DCAF11: variants seen among roughly 807,000 people sequenced by gnomAD.
DCAF11 encodes DDB1 and CUL4 associated factor 11.
DCAF11 carries 44 observed loss-of-function variants against 76.1 expected under a neutral mutation model. The observed-to-expected ratio is 0.58, with a 90% CI of 0.45 to 0.74. The LOEUF (loss-of-function observed/expected upper bound fraction) is 0.74, where lower values mean the gene tolerates loss of function less well. DCAF11 is among the 30% of genes least tolerant of loss of function. The pLI is 0.00. For missense variants in DCAF11, 604 were observed against 709.4 expected (o/e 0.85, Z 1.69); for synonymous variants, 258 against 255.0 (o/e 1.01, Z -0.11).
Position 24,123,172 on chromosome 14 carries a change from C to T in DCAF11, c.1507-3C>T. ...TGACTGCTTGCCACCCTCTGCCCTG[C>T]AGTGGGACGGGAACCTGCGTCTGTG... On this transcript the variant is annotated splice_region_variant and splice_polypyrimidine_tract_variant and intron_variant, in intron 14 of 14. Transcript: ENST00000446197. 6.2e-7 allele frequency: 1 copy of T among 1,612,786 alleles called. No homozygotes were observed. The highest frequency in any genetic ancestry group is 8.5e-7 in the Non-Finnish European group (1 of 1,179,094).
intron 13 of DCAF11, 30 bp downstream of exon 13, chr14:24,121,547 A>G: frequency 6.2e-7 from 1 of 1,608,978 alleles, no homozygotes; most frequent in Non-Finnish European, 8.5e-7. Flanking sequence ...AGGGGGCCTC[A>G]GGAAGGGCAG....
intron 9 of DCAF11, 83 bp downstream of exon 9, chr14:24,119,296 C>T: frequency 1.9e-6 from 3 of 1,545,160 alleles, no homozygotes; most frequent in Non-Finnish European, 2.7e-6. Flanking sequence ...ACAGATGGCA[C>T]TGGCAGCTGC....
chr14:24,121,212 A>G, intron 12 of DCAF11, 153 bp from the exon 13 acceptor site: 1 of 1,161,260 alleles, frequency 8.6e-7, no homozygotes. Context: ...CATATTGGAG[A>G]CTGTCCACTG....
At chr14:24,118,236 G>T in intron 6 of DCAF11, 81 bp downstream of exon 6, 2 of 1,559,968 alleles carry the variant, frequency 1.3e-6, no homozygotes, top group South Asian at 1.1e-5. Flanking sequence ...AGCCACAGAC[G>T]GGGAGCTCAG....
intron 11 of DCAF11, among the ~76,000 whole-genome samples, chr14:24,120,521 C>T (rs1239603738): frequency 6.6e-6 from 1 of 152,062 alleles, no homozygotes; most frequent in Non-Finnish European, 1.5e-5. Flanking sequence ...CACCCCACTA[C>T]ACTCCAGCCT....
intron 8 of DCAF11, 66 bp downstream of exon 8, chr14:24,118,870 C>T: frequency 1.3e-6 from 2 of 1,560,894 alleles, no homozygotes; most frequent in South Asian, 1.1e-5. Flanking sequence ...TGGGAGCAAA[C>T]CTCTTGAGTT....
rs905453565 is a variant in DCAF11 at position 24,114,987 on chromosome 14, C to T, written c.-520C>T. ...AGTGGGAGGTGCTTCTCGGCTTCCTCCCCCTCATGGCGTACACACCCCCGG... is the reference window on the plus strand; with the variant it reads ...AGTGGGAGGTGCTTCTCGGCTTCCTTCCCCTCATGGCGTACACACCCCCGG... On this transcript the variant is annotated 5_prime_UTR_variant, in exon 1 of 15. Transcript: ENST00000446197. 8.1e-6 allele frequency: 8 copies of T among 985,818 alleles called. No individual in the cohort carries two copies. The African/African-American group carries it at 1.0e-4, about 13-fold the overall frequency. The allele number at this position is 985,818 out of a possible 1,614,324, so 61.1% of individuals were successfully genotyped here.
rs113395814 is a variant in DCAF11 at position 24,123,348 on chromosome 14, A to G, written c.*39A>G. 1.0e-5 allele frequency: 15 copies of G among 1,503,928 alleles called. No homozygotes were observed. In the African/African-American group the frequency reaches 1.4e-4, roughly 14 times the overall value. 93.2% of individuals were successfully genotyped at this position (1,503,928 alleles called of 1,614,324 possible). A position where few individuals can be genotyped will look rare whatever the true frequency, so the allele number is the denominator to read the frequency against. ...CCCCATATAGGGTGAACCTCTTGAT[A>G]AGCTCTCTGCCTCCTCCTCCCTTTC... On this transcript the variant is annotated 3_prime_UTR_variant, in exon 15 of 15. Transcript: ENST00000446197.
chr14:24,120,834 A>C lies in DCAF11; in HGVS notation c.1093-4A>C. ...TGCTTCACTATCCACCTTTGGATTCATAGGGTGATGCCCGGTATCTGATCT... is the reference window on the plus strand; with the variant it reads ...TGCTTCACTATCCACCTTTGGATTCCTAGGGTGATGCCCGGTATCTGATCT... On this transcript the variant is annotated splice_polypyrimidine_tract_variant and splice_region_variant and intron_variant, in intron 11 of 14. Coordinates refer to ENST00000446197, the MANE Select transcript of DCAF11 (RefSeq NM_025230.5). 6.2e-7 allele frequency: 1 copy of C among 1,614,170 alleles called. No homozygotes were observed. The highest frequency in any genetic ancestry group is 2.2e-5 in the East Asian group (1 of 44,880).
chr14:24,115,741 C>T lies in DCAF11; in HGVS notation c.147C>T (p.Leu49=). 6.2e-7 allele frequency: 1 copy of T among 1,612,518 alleles called. No homozygotes were observed. The change falls in exon 2 of 15, where the codon CTC becomes CTT. Residue 49 remains leucine (L), a synonymous_variant. Coordinates refer to ENST00000446197, the MANE Select transcript of DCAF11 (RefSeq NM_025230.5). ...ATCTGGCCCAGGTACTGGCCTATCTCCTCCGCAGGTAACTTACCCTCTGGT... is the reference window on the plus strand; with the variant it reads ...ATCTGGCCCAGGTACTGGCCTATCTTCTCCGCAGGTAACTTACCCTCTGGT... ...DVDLAQVLAY[L]LRRGQVRLVQ...
chr14:24,119,755 T>C lies in DCAF11; in HGVS notation c.951T>C (p.Asp317=). The stretch of plus-strand genomic sequence containing the variant: ...ATGTGAATGCAGTGGCCTTTGCTGA[T>C]ATAAGCTCCCAAATCCTGTTCTCTG... ...EDDVNAVAFA[D]ISSQILFSGG... Residue 317 remains aspartate (D), a synonymous_variant, in exon 11 of 15, where the codon GAT becomes GAC. Coordinates refer to ENST00000446197, the MANE Select transcript of DCAF11 (RefSeq NM_025230.5). 1 of 1,614,238 alleles carries C rather than the reference T, an allele frequency of 6.2e-7. No individual in the cohort carries two copies. The highest frequency in any genetic ancestry group is 8.5e-7 in the Non-Finnish European group (1 of 1,180,040).
chr14:24,123,418 G>A lies in DCAF11; in HGVS notation c.*109G>A, dbSNP rs2037729643. ...GGAGGAATCACTGGCATTTGATGGG[G>A]AATAACATAAGCCTGGGCTCTGAGC... On this transcript the variant is annotated 3_prime_UTR_variant, in exon 15 of 15. Coordinates refer to ENST00000446197, the MANE Select transcript of DCAF11 (RefSeq NM_025230.5). 23 of 1,458,916 alleles carry A rather than the reference G, an allele frequency of 1.6e-5. No individual in the cohort carries two copies. The South Asian group carries it at 3.0e-4, about 19-fold the overall frequency. The allele number at this position is 1,458,916 out of a possible 1,614,324, so 90.4% of individuals were successfully genotyped here. A position where few individuals can be genotyped will look rare whatever the true frequency, so the allele number is the denominator to read the frequency against.
At chr14:24,122,665 A>C (rs906291424) in intron 13 of DCAF11, among the ~76,000 whole-genome samples, 3 of 152,184 alleles carry the variant, frequency 2.0e-5, no homozygotes, top group Admixed American at 6.5e-5. Flanking sequence ...CTCATTGTTC[A>C]CTTTTGTGGT....
At position 24,117,440 on chromosome 14, in the gene DCAF11, C is replaced by G; in HGVS notation, c.411+47C>G. 1 of 1,609,476 alleles carries G rather than the reference C, an allele frequency of 6.2e-7. No homozygotes were observed. Among genetic ancestry groups the G allele is most frequent in the Non-Finnish European group, 8.5e-7 (1 of 1,176,984 alleles). ...CCTGGCAGCAGGCCTGCCAAAGCAG[C>G]CAGAAGCTCTGCCAGCCCCAGAGAA... On this transcript the variant is annotated intron_variant, in intron 4 of 14. Transcript: ENST00000446197. This position sits in a 1 kb window ranked among gnomAD's most constrained non-coding sequence, Gnocchi z 4.3.
At position 24,121,536 on chromosome 14, in the gene DCAF11, CA is replaced by C; in HGVS notation, c.1399+20del. 3 of 1,612,184 alleles carry C rather than the reference CA, an allele frequency of 1.9e-6. No individual in the cohort carries two copies. Among genetic ancestry groups the C allele is most frequent in the African/African-American group, 2.7e-5 (2 of 75,018 alleles). On this transcript the variant is annotated intron_variant, in intron 13 of 14. Transcript: ENST00000446197. ...GTGGTTGGTAAGGATTGTGTCAGAACAGGGGGCCTCAGGAAGGGCAGGAATG... is the reference window on the plus strand; with the variant it reads ...GTGGTTGGTAAGGATTGTGTCAGAACGGGGGCCTCAGGAAGGGCAGGAATG...
chr14:24,121,179 G>A (rs1359556531), intron 12 of DCAF11, among the ~76,000 whole-genome samples, 186 bp from the exon 13 acceptor site: 1 of 152,224 alleles, frequency 6.6e-6, no homozygotes, highest in African/African-American at 2.4e-5. Flanking sequence ...AAGTATGTGA[G>A]TGTAATGATT....
In DCAF11 at chr14:24,121,474, C is replaced by A. The variant is rs372188342; in HGVS notation, c.1356C>A (p.Gly452=). The stretch of plus-strand genomic sequence containing the variant: ...GGTTCTCCCCCATTCATAGCACTGG[C>A]CAGCAGTTCATCTACAGTGGCTGCT... ...RCRFSPIHST[G]QQFIYSGCST... The change falls in exon 13 of 15, where the codon GGC becomes GGA. Residue 452 remains glycine (G), a synonymous_variant. Coordinates refer to ENST00000446197, the MANE Select transcript of DCAF11 (RefSeq NM_025230.5). 1 of 1,614,132 alleles carries A rather than the reference C, an allele frequency of 6.2e-7. No homozygotes were observed. The highest frequency in any genetic ancestry group is 8.5e-7 in the Non-Finnish European group (1 of 1,180,034).
At chr14:24,116,209 G>A (rs1264241494) in intron 2 of DCAF11, among the ~76,000 whole-genome samples, 1 of 152,214 alleles carries the variant, frequency 6.6e-6, no homozygotes, top group Non-Finnish European at 1.5e-5. Flanking sequence ...TGTTCTTGAG[G>A]AAAGAATGCC....
rs3742499 is a variant in DCAF11, at chr14:24,117,624, C to T, written c.412-44C>T. 100,461 of 1,598,188 alleles carry T rather than the reference C, an allele frequency of 0.063. 4,402 individuals carry two copies. The highest frequency in any genetic ancestry group is 0.19 in the East Asian group (8,489 of 44,600). ...AGGGGGCTTGATATGGCTGAAGTGG[C>T]CCTCTATTTCTGCTAGCAATATTCC... On this transcript the variant is annotated intron_variant, in intron 4 of 14. Transcript: ENST00000446197. The surrounding 1 kb of genome is among the most constrained non-coding windows in gnomAD (Gnocchi z 4.3).
Sources: gnomAD v4.1 joint callset for allele counts (sites outside exome capture counted in the v4.1 genomes callset) on GRCh38, gnomAD v4.1.1 for gene constraint, Gnocchi (gnomAD v3.1) non-coding constraint, MANE v1.5 for transcripts, NCBI Gene and HGNC (gene_info 2026-07-23, HGNC 2026-07-21) for gene names.